CES5A: variants seen among roughly 807,000 people sequenced by gnomAD.
The protein encoded by CES5A is carboxylesterase 5A, also known as carboxylesterase 5.
In CES5A, 67 loss-of-function variants were observed where a neutral mutation model predicts 62.9. The ratio of observed to expected loss-of-function variants is 1.07; its 90% CI spans 0.88 to 1.31. The LOEUF is 1.31. Among genes scored for constraint, CES5A ranks in the 50% most tolerant of loss-of-function variants. The probability of loss-of-function intolerance (pLI) is 0.00; values close to 1 mark genes in which losing one functional copy is unlikely to be tolerated. For missense variants in CES5A, 748 were observed against 708.5 expected (o/e 1.06, Z -0.63); for synonymous variants, 296 against 280.8 (o/e 1.05, Z -0.54).
upstream of CES5A, among the ~76,000 whole-genome samples, chr16:55,880,128 AC>A (rs1386716840): frequency 6.6e-6 from 1 of 152,228 alleles, no homozygotes; most frequent in Non-Finnish European, 1.5e-5. Context: ...CATGCAGGTC[AC>A]AAAACTTCAG....
rs1312911080 is a variant in CES5A at position 55,930,703 on chromosome 16, G to A, written c.160+19082C>T. 4.6e-5 allele frequency among the ~76,000 whole-genome samples: 7 copies of A among 152,116 alleles called. No homozygotes were observed. The South Asian group carries it at 6.2e-4, about 14-fold the overall frequency. On this transcript the variant is annotated intron_variant, in intron 2 of 13. Coordinates refer to the CES5A transcript ENST00000521992. ...GTGTTACTTCTGTGGTTCTAATCAC[G>A]GTTGTAATTTTACATTGTTTGTGTG...
chr16:55,863,367 T>C lies in CES5A; in HGVS notation c.791A>G (p.Asp264Gly), dbSNP rs765323061. 2 of 1,587,442 alleles carry C rather than the reference T, an allele frequency of 1.3e-6. No homozygotes were observed. The highest frequency in any genetic ancestry group is 2.2e-5 in the East Asian group (1 of 44,724). Residue 264 changes from aspartate (D) to glycine (G), a missense_variant, in exon 6 of 13, where the codon GAT (aspartate) becomes GGT (glycine). Coordinates refer to ENST00000290567, the MANE Select transcript of CES5A (RefSeq NM_001143685.2). ...ACGTACGTCCTCACTCTTCTCATAA[T>C]CATGGGCCTCCAGGTAAGGGATGAT... ...VAIIPYLEAH[D>G]YEKSEDLQVV...
At chr16:55,903,674 A>G (rs2034012374) in intron 1 of CES5A, among the ~76,000 whole-genome samples, 1 of 152,228 alleles carries the variant, frequency 6.6e-6, no homozygotes, top group South Asian at 2.1e-4. Context: ...AGCACTGCTG[A>G]GCAGTGTTAT....
intron 2 of CES5A, among the ~76,000 whole-genome samples, chr16:55,944,957 A>T (rs1359976002): frequency 6.6e-6 from 1 of 152,226 alleles, no homozygotes. Context: ...TACAAACTAC[A>T]TGAGTTCAAA....
chr16:55,857,484 T>C (rs143834286), intron 8 of CES5A, among the ~76,000 whole-genome samples: 2,258 of 152,318 alleles, frequency 0.015, 28 homozygotes, highest in Non-Finnish European at 0.021. Flanking sequence ...CTAGGGCTGA[T>C]ACCTAAATGA....
At chr16:55,879,184 A>T (rs2142422809), upstream of CES5A, among the ~76,000 whole-genome samples, 1 of 135,806 alleles carries the variant, frequency 7.4e-6, no homozygotes, top group South Asian at 2.5e-4. Context: ...GCACTCCACC[A>T]ATGCTCCCCA....
At chr16:55,928,746 C>T (rs1469510306), upstream of CES5A, among the ~76,000 whole-genome samples, 1 of 152,186 alleles carries the variant, frequency 6.6e-6, no homozygotes. Context: ...ATTTGGTAAG[C>T]TAAACCAATT....
chr16:55,941,208 C>T (rs1172272628), intron 2 of CES5A, among the ~76,000 whole-genome samples: 1 of 151,852 alleles, frequency 6.6e-6, no homozygotes, highest in Non-Finnish European at 1.5e-5. Context: ...GAAATAAAAC[C>T]TTCTATTTGT....
intron 1 of CES5A, among the ~76,000 whole-genome samples, chr16:55,920,141 G>A (rs920338367): frequency 1.3e-5 from 2 of 152,240 alleles, no homozygotes; most frequent in Middle Eastern, 3.4e-3. Context: ...CTGCAGAGAC[G>A]TGAAAAAACT....
intron 1 of CES5A, among the ~76,000 whole-genome samples, chr16:55,886,639 G>C (rs573030352): frequency 6.6e-6 from 1 of 152,140 alleles, no homozygotes; most frequent in Non-Finnish European, 1.5e-5. Flanking sequence ...CCTCACCATA[G>C]CACTATCCTA....
chr16:55,902,582 G>C (rs1242338853), intron 1 of CES5A, among the ~76,000 whole-genome samples: 1 of 152,126 alleles, frequency 6.6e-6, no homozygotes, highest in Non-Finnish European at 1.5e-5. Flanking sequence ...TGAAATCATT[G>C]TTTATTTAAA....
At chr16:55,849,836 T>C in intron 10 of CES5A, 63 bp from the exon 11 acceptor site, 2 of 1,554,612 alleles carry the variant, frequency 1.3e-6, no homozygotes. Context: ...TGGCTCTGTG[T>C]CCCCACCTAT....
At chr16:55,867,714 G>A (rs2033493114) in intron 4 of CES5A, among the ~76,000 whole-genome samples, 1 of 152,198 alleles carries the variant, frequency 6.6e-6, no homozygotes, top group Non-Finnish European at 1.5e-5. Context: ...AGGATTCACA[G>A]CCTGGCCACT....
chr16:55,877,920 C>T (rs1289554298), upstream of CES5A, among the ~76,000 whole-genome samples: 5 of 152,198 alleles, frequency 3.3e-5, no homozygotes, highest in South Asian at 1.0e-3. Flanking sequence ...AGGAAAGGAG[C>T]GGCAATAGAA....
At chr16:55,928,569 G>C (rs1311763713), upstream of CES5A, among the ~76,000 whole-genome samples, 1 of 152,170 alleles carries the variant, frequency 6.6e-6, no homozygotes, top group Non-Finnish European at 1.5e-5. Flanking sequence ...AAAGCTATTG[G>C]AATTTGTTTA....
intron 1 of CES5A, among the ~76,000 whole-genome samples, chr16:55,888,985 A>C (rs1483907376): frequency 1.3e-5 from 2 of 152,172 alleles, no homozygotes; most frequent in Non-Finnish European, 1.5e-5. Flanking sequence ...TGTTACATTT[A>C]AAATTATAAT....
intron 1 of CES5A, among the ~76,000 whole-genome samples, chr16:55,953,695 C>T (rs983454842): frequency 1.3e-5 from 2 of 151,974 alleles, no homozygotes; most frequent in Non-Finnish European, 2.9e-5. Context: ...GTTTGTTTTG[C>T]TTTTTAGTTT....
At chr16:55,891,888 A>C (rs1430377374) in intron 1 of CES5A, among the ~76,000 whole-genome samples, 1 of 152,030 alleles carries the variant, frequency 6.6e-6, no homozygotes, top group Non-Finnish European at 1.5e-5. Flanking sequence ...AAAACAAAAT[A>C]TTTTACCCCA....
intron 1 of CES5A, among the ~76,000 whole-genome samples, chr16:55,909,913 T>C (rs1398640416): frequency 6.6e-6 from 1 of 152,100 alleles, no homozygotes; most frequent in Non-Finnish European, 1.5e-5. Flanking sequence ...ATGGTGTGAG[T>C]GCTTACTGTC....
Sources: allele counts gnomAD v4.1 joint callset (sites outside exome capture counted in the v4.1 genomes callset), GRCh38; gene constraint gnomAD v4.1.1; transcripts MANE v1.5; gene names NCBI Gene and HGNC (gene_info 2026-07-23, HGNC 2026-07-21).